Variants in USP31 observed in about 807,000 individuals in gnomAD.
USP31 encodes ubiquitin specific peptidase 31, also known as ubiquitin carboxyl-terminal hydrolase 31.
A neutral mutation model predicts 119.4 loss-of-function variants in USP31; 44 were observed. That is an observed-to-expected ratio of 0.37 (90% CI 0.29 to 0.47). The LOEUF (loss-of-function observed/expected upper bound fraction) is 0.47, where lower values mean the gene tolerates loss of function less well. USP31 is among the 20% of genes least tolerant of loss of function. The probability of loss-of-function intolerance (pLI) is 0.99; values close to 1 mark genes in which losing one functional copy is unlikely to be tolerated. For missense variants in USP31, 1,643 were observed against 1,730.2 expected, an observed-to-expected ratio of 0.95 and a Z score of 0.89; for synonymous variants, 749 against 705.6, an observed-to-expected ratio of 1.06 and a Z score of -0.97.
chr16:23,082,366 A>G, intron 12 of USP31, 72 bp downstream of exon 12: 2 of 1,588,098 alleles, frequency 1.3e-6, no homozygotes, highest in Non-Finnish European at 1.7e-6. Flanking sequence ...GAACCCTCAC[A>G]GAGCCCATCA....
chr16:23,088,414 A>T (rs1328993415), intron 7 of USP31, among the ~76,000 whole-genome samples: 2 of 152,200 alleles, frequency 1.3e-5, no homozygotes, highest in African/African-American at 4.8e-5. Flanking sequence ...CCCCGGAGAG[A>T]TTCTGATGAA....
intron 7 of USP31, among the ~76,000 whole-genome samples, chr16:23,088,360 A>C (rs1901205799): frequency 6.6e-6 from 1 of 152,176 alleles, no homozygotes; most frequent in African/African-American, 2.4e-5. Flanking sequence ...CGAAGACCAA[A>C]ATCACAAGAG....
Position 23,072,108 on chromosome 16 carries a change from G to A in USP31, c.2425C>T (p.Arg809Cys), listed in dbSNP as rs778125862. The change falls in exon 15 of 16, where the codon CGC (arginine) becomes TGC (cysteine). Residue 809 changes from arginine to cysteine, a missense_variant. By Grantham distance (180) the Arg-to-Cys change is radical. Around this residue, in one of 5 missense-constraint regions of USP31, gnomAD observed 279 missense variants for 372.2 expected, o/e 0.75. Coordinates refer to ENST00000219689, the MANE Select transcript of USP31 (RefSeq NM_020718.4). Reference protein sequence around the residue: ...ASVTSAASSRRTSLASLSESV... With the variant: ...ASVTSAASSRCTSLASLSESV... Reference sequence around the variant, plus strand: ...TCAGAGAGCGACGCCAGGGAGGTGCGTCTGGAGGAAGCTGCAGAGGTCACG... The same window carrying A: ...TCAGAGAGCGACGCCAGGGAGGTGCATCTGGAGGAAGCTGCAGAGGTCACG... 1.3e-4 allele frequency: 203 copies of A among 1,613,464 alleles called. 1 individual carries two copies. The highest frequency in any genetic ancestry group is 2.2e-4 in the Admixed American group (13 of 60,008).
At chr16:23,114,905 C>CT (rs1172550275) in intron 1 of USP31, among the ~76,000 whole-genome samples, 2 of 152,214 alleles carry the variant, frequency 1.3e-5, no homozygotes, top group East Asian at 3.8e-4. Flanking sequence ...CTTATTCCCA[C>CT]TGCAGATACT....
chr16:23,068,621 T>C lies in USP31; in HGVS notation c.3484A>G (p.Ser1162Gly). The change falls in exon 16 of 16, where the codon AGC becomes GGC. Residue 1162 changes from serine (S) to glycine (G), a missense_variant. This residue lies in a region of USP31 where 699 missense variants were observed against 650.9 expected (regional missense o/e 1.07). Transcript: ENST00000219689. ...GCGCTGGCTCTGTCAGAACCCAAGC[T>C]TTGTCTGGAGCCCTCTCTACTCAAG... The part of the protein sequence containing the change: ...HSLSREGSRQ[S>G]LGSDRASATS... 2 of 1,614,168 alleles carry C rather than the reference T, an allele frequency of 1.2e-6. No individual in the cohort carries two copies. Among genetic ancestry groups the C allele is most frequent in the South Asian group, 2.2e-5 (2 of 91,082 alleles).
chr16:23,104,308 C>G (rs1208720268), intron 5 of USP31, among the ~76,000 whole-genome samples: 1 of 152,204 alleles, frequency 6.6e-6, no homozygotes, highest in Non-Finnish European at 1.5e-5. Flanking sequence ...GGTGAACAAG[C>G]AAGTAAAATT....
chr16:23,089,632 C>T (rs1343650764), intron 7 of USP31, among the ~76,000 whole-genome samples: 1 of 152,204 alleles, frequency 6.6e-6, no homozygotes, highest in Admixed American at 6.5e-5. Flanking sequence ...GCTATTCTAA[C>T]AAATGTTAAG....
chr16:23,129,556 G>C (rs1486286674), intron 1 of USP31, among the ~76,000 whole-genome samples: 1 of 152,200 alleles, frequency 6.6e-6, no homozygotes, highest in Non-Finnish European at 1.5e-5. Context: ...AGGTTATACA[G>C]ATGAAATAAG....
intron 12 of USP31, among the ~76,000 whole-genome samples, chr16:23,082,151 G>GATCTCTAC (rs1900859785): frequency 1.3e-5 from 2 of 152,150 alleles, no homozygotes; most frequent in Admixed American, 1.3e-4. Context: ...CCCCAGAAAG[G>GATCTCTAC]ATCTCTACTT....
chr16:23,069,106 C>G lies in USP31; in HGVS notation c.2999G>C (p.Ser1000Thr), dbSNP rs200486134. 1.3e-4 allele frequency: 213 copies of G among 1,612,890 alleles called. No homozygotes were observed. Among genetic ancestry groups the G allele is most frequent in the Middle Eastern group, 1.7e-4 (1 of 6,060 alleles). ...GGCTTTCACCTCTTTGACTGGAGAG[C>G]TGTCTACGGAGTCGCTCTGATCCAC... Reference protein sequence around the residue: ...AYVDQSDSVDSSPVKEVKAPS... With the variant: ...AYVDQSDSVDTSPVKEVKAPS... Residue 1000 changes from serine to threonine, a missense_variant, in exon 16 of 16, where the codon AGC becomes ACC. Physicochemically the swap from Ser to Thr is moderately conservative, Grantham distance 58 (BLOSUM62 1). Coordinates refer to ENST00000219689, the MANE Select transcript of USP31 (RefSeq NM_020718.4).
At chr16:23,128,003 C>T (rs1902918206) in intron 1 of USP31, among the ~76,000 whole-genome samples, 1 of 152,086 alleles carries the variant, frequency 6.6e-6, no homozygotes, top group Admixed American at 6.5e-5. Flanking sequence ...TGGGATAAGG[C>T]AAATGAGAAT....
chr16:23,065,267 A>C lies in USP31; in HGVS notation c.*2779T>G, dbSNP rs1461646564. Reference sequence around the variant, plus strand: ...CCAGGCCTATCATCCCTAGCAGATAATTTTTAACCCCAAAGCACATACACG... The same window carrying C: ...CCAGGCCTATCATCCCTAGCAGATACTTTTTAACCCCAAAGCACATACACG... On this transcript the variant is annotated 3_prime_UTR_variant, in exon 16 of 16. Transcript: ENST00000219689. The C allele has an allele frequency of 6.6e-6, 1 of 151,854 alleles. No individual in the cohort carries two copies. Among genetic ancestry groups the C allele is most frequent in the Non-Finnish European group, 1.5e-5 (1 of 67,980 alleles). The allele number at this position is 151,854 out of a possible 1,614,324, so 9.4% of individuals were successfully genotyped here.
chr16:23,129,067 T>A (rs570025741), intron 1 of USP31, among the ~76,000 whole-genome samples: 1 of 152,360 alleles, frequency 6.6e-6, no homozygotes, highest in East Asian at 1.9e-4. Context: ...ATGCCTTTTT[T>A]ATGTCACTTT....
chr16:23,108,478 CA>C (rs1225596876), intron 1 of USP31, among the ~76,000 whole-genome samples: 1 of 152,012 alleles, frequency 6.6e-6, no homozygotes, highest in Non-Finnish European at 1.5e-5. Flanking sequence ...TTTATAAAAG[CA>C]AATAATTGGT....
chr16:23,065,699 CTTT>C lies in USP31; in HGVS notation c.*2344_*2346del, dbSNP rs961494288. 1.4e-5 allele frequency: 2 copies of C among 146,458 alleles called. No homozygotes were observed. Among genetic ancestry groups the C allele is most frequent in the African/African-American group, 5.1e-5 (2 of 39,602 alleles). 9.1% of individuals were successfully genotyped at this position (146,458 alleles called of 1,614,324 possible). On this transcript the variant is annotated 3_prime_UTR_variant, in exon 16 of 16. Coordinates refer to ENST00000219689, the MANE Select transcript of USP31 (RefSeq NM_020718.4). ...AAAGGGATTTGTAGAAACGTTTTTC[CTTT>C]TTTTTTTTAAGTCACTAGACATCGT...
intron 6 of USP31, among the ~76,000 whole-genome samples, chr16:23,092,212 G>A (rs760362051): frequency 4.6e-5 from 7 of 152,184 alleles, no homozygotes; most frequent in East Asian, 1.9e-4. Context: ...AGAGGCTAAC[G>A]CAGACTCAAT....
rs149852884 is a variant in USP31, at chr16:23,137,618, CAT to C, written c.633+11018_633+11019del. On this transcript the variant is annotated intron_variant, in intron 1 of 15. Transcript: ENST00000219689. The stretch of plus-strand genomic sequence containing the variant: ...ACATGACATATATATATGTGTTATA[CAT>C]ATATATATATACATATAACATAACA... 6.8e-3 allele frequency among the ~76,000 whole-genome samples: 1,005 copies of C among 147,958 alleles called. 7 individuals carry two copies. Among genetic ancestry groups the C allele is most frequent in the Middle Eastern group, 0.015 (4 of 274 alleles).
chr16:23,142,929 CTAA>C, intron 1 of USP31, among the ~76,000 whole-genome samples: 1 of 152,162 alleles, frequency 6.6e-6, no homozygotes, highest in East Asian at 1.9e-4. Context: ...GAGCTTGACA[CTAA>C]CAAGAAAAAA....
intron 12 of USP31, among the ~76,000 whole-genome samples, chr16:23,080,805 C>T (rs1326707748): frequency 6.6e-6 from 1 of 152,158 alleles, no homozygotes; most frequent in African/African-American, 2.4e-5. Flanking sequence ...TATGTCCACC[C>T]TAAGGAGCTA....
Sources: allele counts gnomAD v4.1 joint callset (sites outside exome capture counted in the v4.1 genomes callset), GRCh38; gene constraint gnomAD v4.1.1; regional missense constraint gnomAD v4.1.1; transcripts MANE v1.5; gene names NCBI Gene and HGNC (gene_info 2026-07-23, HGNC 2026-07-21).